Variants in TNFSF9 observed in about 807,000 individuals in gnomAD.
The protein encoded by TNFSF9 is tumor necrosis factor ligand superfamily member 9.
A neutral mutation model predicts 10.3 loss-of-function variants in TNFSF9; 10 were observed. The ratio of observed to expected loss-of-function variants is 0.97; its 90% CI spans 0.60 to 1.65. The LOEUF (loss-of-function observed/expected upper bound fraction) is 1.65. Among genes scored for constraint, TNFSF9 ranks in the 40% most tolerant of loss-of-function variants. The pLI, the probability that TNFSF9 is intolerant of heterozygous loss-of-function variation, is 0.00. For missense variants in TNFSF9, 361 were observed against 348.9 expected (o/e 1.03, Z -0.28); for synonymous variants, 195 against 176.1 (o/e 1.11, Z -0.85).
Position 6,535,001 on chromosome 19 carries a change from G to A in TNFSF9, c.700G>A (p.Val234Ile). The A allele has an allele frequency of 6.2e-7, 1 of 1,604,978 alleles. No homozygotes were observed. The highest frequency in any genetic ancestry group is 2.2e-5 in the East Asian group (1 of 44,692). Residue 234 changes from valine (V) to isoleucine (I), a missense_variant, in exon 3 of 3, where the codon GTC becomes ATC. Physicochemically the swap from Val to Ile is conservative, Grantham distance 29. Coordinates refer to ENST00000245817, the MANE Select transcript of TNFSF9 (RefSeq NM_003811.4). ...HAWQLTQGAT[V>I]LGLFRVTPEI... Reference sequence around the variant, plus strand: ...CTGGCAGCTTACCCAGGGCGCCACAGTCTTGGGACTCTTCCGGGTGACCCC... The same window carrying A: ...CTGGCAGCTTACCCAGGGCGCCACAATCTTGGGACTCTTCCGGGTGACCCC...
Position 6,532,437 on chromosome 19 carries a change from T to C in TNFSF9, c.268-349T>C, listed in dbSNP as rs201838784. Among the ~76,000 whole-genome samples, 218 of 148,886 alleles carry C rather than the reference T, an allele frequency of 1.5e-3. 5 individuals are homozygous for C. The East Asian group carries it at 0.027, about 18-fold the overall frequency. On this transcript the variant is annotated intron_variant, in intron 1 of 2. Transcript: ENST00000245817. Reference sequence around the variant, plus strand: ...TGTGTTTGTTCGTTCGTGTGGGTGTTTGTGTTCATGTGGGTGTGTTTGGAT... The same window carrying C: ...TGTGTTTGTTCGTTCGTGTGGGTGTCTGTGTTCATGTGGGTGTGTTTGGAT...
At position 6,535,100 on chromosome 19, in the gene TNFSF9, T is replaced by G. The variant is rs1915240878; in HGVS notation, c.*34T>G. ...CTGGGTGCAGCCCACCTGGACAGAG[T>G]CCGAATCCTACTCCATCCTTCATGG... On this transcript the variant is annotated 3_prime_UTR_variant, in exon 3 of 3. Transcript: ENST00000245817. The G allele has an allele frequency of 6.7e-7, 1 of 1,486,766 alleles. No homozygotes were observed. Among genetic ancestry groups the G allele is most frequent in the Non-Finnish European group, 8.9e-7 (1 of 1,118,246 alleles). The allele number at this position is 1,486,766 out of a possible 1,614,324, so 92.1% of individuals were successfully genotyped here.
chr19:6,532,912 C>A, intron 2 of TNFSF9, 96 bp downstream of exon 2: 1 of 1,565,244 alleles, frequency 6.4e-7, no homozygotes, highest in Non-Finnish European at 8.8e-7. Context: ...CTCTGCCGCA[C>A]ACTGGCTTTG....
chr19:6,532,604 CGTGTGTTT>C (rs781697260), intron 1 of TNFSF9, among the ~76,000 whole-genome samples, 174 bp from the exon 2 acceptor site: 89 of 148,068 alleles, frequency 6.0e-4, no homozygotes, highest in Non-Finnish European at 8.5e-4. Context: ...TGTTTGTGTT[CGTGTGTTT>C]GTGTGTTTGT....
In TNFSF9 at chr19:6,534,712, G is replaced by A; in HGVS notation, c.411G>A (p.Lys137=). 6.3e-7 allele frequency: 1 copy of A among 1,596,512 alleles called. No individual in the cohort carries two copies. Among genetic ancestry groups the A allele is most frequent in the Middle Eastern group, 1.7e-4 (1 of 6,044 alleles). Residue 137 remains lysine (K), a synonymous_variant, in exon 3 of 3, where the codon AAG becomes AAA. Coordinates refer to ENST00000245817, the MANE Select transcript of TNFSF9 (RefSeq NM_003811.4). ...ACACGAAGGAGCTGGTGGTGGCCAAGGCTGGAGTCTACTATGTCTTCTTTC... is the reference window on the plus strand; with the variant it reads ...ACACGAAGGAGCTGGTGGTGGCCAAAGCTGGAGTCTACTATGTCTTCTTTC... ...KEDTKELVVA[K]AGVYYVFFQL...
At chr19:6,532,216 C>G (rs1599428529) in intron 1 of TNFSF9, among the ~76,000 whole-genome samples, 1 of 152,080 alleles carries the variant, frequency 6.6e-6, no homozygotes. Flanking sequence ...TCGCTTTTCC[C>G]TCCTGAATTC....
chr19:6,531,594 G>A (rs996958506), intron 1 of TNFSF9, among the ~76,000 whole-genome samples: 2 of 151,746 alleles, frequency 1.3e-5, no homozygotes, highest in Non-Finnish European at 2.9e-5. Context: ...AGTCCGGGGG[G>A]CACCCCTTTC....
At chr19:6,534,549 G>A (rs1915223662) in intron 2 of TNFSF9, 51 bp from the exon 3 acceptor site, 2 of 1,502,582 alleles carry the variant, frequency 1.3e-6, no homozygotes, top group Admixed American at 4.1e-5. Context: ...GCCACGCTCA[G>A]CTGTGCTGGG....
chr19:6,535,146 C>T lies in TNFSF9; in HGVS notation c.*80C>T. On this transcript the variant is annotated 3_prime_UTR_variant, in exon 3 of 3. Transcript: ENST00000245817. The stretch of plus-strand genomic sequence containing the variant: ...CATGGAGACCCCTGGTGCTGGGTCC[C>T]TGCTGCTTTCTCTACCTCAAGGGGC... 1 of 1,394,138 alleles carries T rather than the reference C, an allele frequency of 7.2e-7. No homozygotes were observed. Among genetic ancestry groups the T allele is most frequent in the Non-Finnish European group, 9.4e-7 (1 of 1,061,766 alleles). The allele number at this position is 1,394,138 out of a possible 1,614,324, so 86.4% of individuals were successfully genotyped here.
chr19:6,534,557 G>A (rs1915223868), intron 2 of TNFSF9, 43 bp from the exon 3 acceptor site: 2 of 1,510,656 alleles, frequency 1.3e-6, no homozygotes, highest in Admixed American at 2.0e-5. Context: ...CAGCTGTGCT[G>A]GGACATGCTC....
chr19:6,533,275 C>T (rs1480792626), intron 2 of TNFSF9, among the ~76,000 whole-genome samples: 1 of 133,050 alleles, frequency 7.5e-6, no homozygotes, highest in Admixed American at 7.1e-5. Context: ...CCTCCTGTCC[C>T]CTTCCCTCCC....
At chr19:6,533,389 TCTTC>T (rs1915190078) in intron 2 of TNFSF9, among the ~76,000 whole-genome samples, 1 of 125,748 alleles carries the variant, frequency 8.0e-6, no homozygotes, top group African/African-American at 3.1e-5. Context: ...TCCAGAGACT[TCTTC>T]CCCGCTCGAG....
At position 6,535,088 on chromosome 19, in the gene TNFSF9, A is replaced by G. The variant is rs752818486; in HGVS notation, c.*22A>G. 16 of 1,510,888 alleles carry G rather than the reference A, an allele frequency of 1.1e-5. No individual in the cohort carries two copies. Among genetic ancestry groups the G allele is most frequent in the Non-Finnish European group, 1.4e-5 (16 of 1,129,926 alleles). The allele number at this position is 1,510,888 out of a possible 1,614,324, so 93.6% of individuals were successfully genotyped here. A position where few individuals can be genotyped will look rare whatever the true frequency, so the allele number is the denominator to read the frequency against. ...ATAACGTCCAGCCTGGGTGCAGCCC[A>G]CCTGGACAGAGTCCGAATCCTACTC... On this transcript the variant is annotated 3_prime_UTR_variant, in exon 3 of 3. Transcript: ENST00000245817.
chr19:6,533,079 C>T (rs1341018114), intron 2 of TNFSF9, among the ~76,000 whole-genome samples: 1 of 151,980 alleles, frequency 6.6e-6, no homozygotes, highest in Non-Finnish European at 1.5e-5. Flanking sequence ...AGAGCTGGGG[C>T]TTGACACCCC....
chr19:6,532,451 G>A (rs1915169175), intron 1 of TNFSF9, among the ~76,000 whole-genome samples: 1 of 151,326 alleles, frequency 6.6e-6, no homozygotes, highest in Admixed American at 6.6e-5. Context: ...GTTCATGTGG[G>A]TGTGTTTGGA....
chr19:6,531,403 C>A (rs1915143830), intron 1 of TNFSF9, 100 bp downstream of exon 1: 4 of 1,354,440 alleles, frequency 3.0e-6, no homozygotes, highest in South Asian at 1.7e-5. Context: ...GACACCTGTT[C>A]TACACTCCCG....
chr19:6,532,757 T>C, intron 1 of TNFSF9, 29 bp from the exon 2 acceptor site: 1 of 1,613,742 alleles, frequency 6.2e-7, no homozygotes, highest in Non-Finnish European at 8.5e-7. Flanking sequence ...GGAACCCCCA[T>C]CCACTTTCCT....
chr19:6,533,916 G>C, intron 2 of TNFSF9, among the ~76,000 whole-genome samples: 1 of 40,690 alleles, frequency 2.5e-5, no homozygotes, highest in East Asian at 6.0e-4. Flanking sequence ...GCCTTTCTTC[G>C]AAGTCCTCTC....
chr19:6,532,841 T>C (rs1197795334), intron 2 of TNFSF9, 25 bp downstream of exon 2: 1 of 1,613,452 alleles, frequency 6.2e-7, no homozygotes, highest in Admixed American at 1.7e-5. Context: ...CCACTTCCGG[T>C]CCCTGGCCCC....
Sources: allele counts gnomAD v4.1 joint callset (sites outside exome capture counted in the v4.1 genomes callset), GRCh38; gene constraint gnomAD v4.1.1; transcripts MANE v1.5; gene names NCBI Gene and HGNC (gene_info 2026-07-23, HGNC 2026-07-21).